ANKRD12: variants seen among roughly 807,000 people sequenced by gnomAD.
The protein encoded by ANKRD12 is ankyrin repeat domain-containing protein 12.
Under a neutral mutation model 183.4 loss-of-function variants are expected in ANKRD12, and 85 were observed. The ratio of observed to expected loss-of-function variants is 0.46; its 90% confidence interval spans 0.39 to 0.56. The LOEUF (loss-of-function observed/expected upper bound fraction) is 0.56. Among genes scored for constraint, ANKRD12 ranks in the 20% least tolerant of loss-of-function variants. The pLI is 0.00. For missense variants in ANKRD12, 2,405 were observed against 2,357.1 expected (o/e 1.02, Z -0.42); for synonymous variants, 914 against 800.2 (o/e 1.14, Z -2.40).
At chr18:9,274,555 G>A (rs1181084778) in intron 10 of ANKRD12, among the ~76,000 whole-genome samples, 2 of 152,204 alleles carry the variant, frequency 1.3e-5, no homozygotes, top group African/African-American at 4.8e-5. Flanking sequence ...GAAGGGGGTG[G>A]AGGGAGTAAG....
At position 9,182,411 on chromosome 18, in the gene ANKRD12, A is replaced by C. The variant is rs376731033; in HGVS notation, c.-22A>C. On this transcript the variant is annotated 5_prime_UTR_variant, in exon 2 of 13. Coordinates refer to ENST00000262126, the MANE Select transcript of ANKRD12 (RefSeq NM_015208.5). ...AGGATGAGAAGACTGATAAAAGAAG[A>C]AGCTAGCTGAACAGCTGTAAAATGC... 320 of 1,546,062 alleles carry C rather than the reference A, an allele frequency of 2.1e-4. No individual in the cohort carries two copies. The highest frequency in any genetic ancestry group is 6.9e-4 in the African/African-American group (50 of 72,876).
intron 1 of ANKRD12, chr18:9,137,528 C>T (rs2078155827): frequency 6.7e-6 from 1 of 148,518 alleles, no homozygotes; most frequent in African/African-American, 2.4e-5. Context: ...CCGCCGCCAG[C>T]CGCCGAGCGT....
chr18:9,170,930 AC>A (rs1598443684), intron 1 of ANKRD12, among the ~76,000 whole-genome samples: 2 of 151,790 alleles, frequency 1.3e-5, no homozygotes, highest in Non-Finnish European at 1.5e-5. Flanking sequence ...AACAGACAGG[AC>A]CCTCAGCTGC....
chr18:9,147,784 ATTATT>A (rs1305183818), intron 1 of ANKRD12, among the ~76,000 whole-genome samples: 1 of 152,212 alleles, frequency 6.6e-6, no homozygotes, highest in Non-Finnish European at 1.5e-5. Context: ...AAACAAAATA[ATTATT>A]TTAGGAAGAT....
chr18:9,203,340 T>G (rs1221639545), intron 3 of ANKRD12, among the ~76,000 whole-genome samples: 1 of 152,202 alleles, frequency 6.6e-6, no homozygotes, highest in African/African-American at 2.4e-5. Context: ...CTAAGTTGTT[T>G]TTTTTGAACA....
chr18:9,275,246 C>G (rs1046804427), intron 10 of ANKRD12, among the ~76,000 whole-genome samples: 3 of 152,114 alleles, frequency 2.0e-5, no homozygotes, highest in African/African-American at 7.2e-5. Context: ...GGGAGGATCA[C>G]TTGAGCCCAG....
At position 9,256,171 on chromosome 18, in the gene ANKRD12, A is replaced by G; in HGVS notation, c.2904A>G (p.Glu968=). 6.4e-7 allele frequency: 1 copy of G among 1,560,784 alleles called. No individual in the cohort carries two copies. The highest frequency in any genetic ancestry group is 1.2e-5 in the South Asian group (1 of 81,174). Residue 968 remains glutamate, a synonymous_variant, in exon 9 of 13, where the codon GAA becomes GAG. Coordinates refer to ENST00000262126, the MANE Select transcript of ANKRD12 (RefSeq NM_015208.5). ...AAAAGGAAAAATCTAGAGATAAAGA[A>G]AGTATAAATATAACTAACTCCAAAC... ...LDKKEKSRDK[E]SINITNSKHI...
At chr18:9,178,407 C>G (rs1385433163) in intron 1 of ANKRD12, among the ~76,000 whole-genome samples, 1 of 151,584 alleles carries the variant, frequency 6.6e-6, no homozygotes, top group Non-Finnish European at 1.5e-5. Flanking sequence ...TATCCTTTTC[C>G]CAGTGAATTA....
At chr18:9,235,394 G>C (rs2037285914) in intron 8 of ANKRD12, among the ~76,000 whole-genome samples, 1 of 152,048 alleles carries the variant, frequency 6.6e-6, no homozygotes, top group Admixed American at 6.6e-5. Flanking sequence ...TCTGTCACTG[G>C]ATAATTTCAT....
At chr18:9,171,523 CTCG>C (rs931408237) in intron 1 of ANKRD12, among the ~76,000 whole-genome samples, 2 of 152,104 alleles carry the variant, frequency 1.3e-5, no homozygotes, top group Non-Finnish European at 2.9e-5. Context: ...TATAGTGTCA[CTCG>C]TCTGTGTACT....
chr18:9,250,299 G>A (rs2038212358), intron 8 of ANKRD12: 1 of 152,142 alleles, frequency 6.6e-6, no homozygotes, highest in Non-Finnish European at 1.5e-5. Flanking sequence ...CCTACAGTGG[G>A]GAGCCCTCAG....
At chr18:9,250,716 C>T (rs2038241508) in intron 8 of ANKRD12, among the ~76,000 whole-genome samples, 1 of 152,048 alleles carries the variant, frequency 6.6e-6, no homozygotes, top group Non-Finnish European at 1.5e-5. Context: ...GACCCTGTCT[C>T]TCAAAAAAAC....
intron 1 of ANKRD12, among the ~76,000 whole-genome samples, chr18:9,152,243 AAG>A (rs1361145742): frequency 6.6e-6 from 1 of 152,218 alleles, no homozygotes; most frequent in Admixed American, 6.5e-5. Flanking sequence ...TGAAATGAAA[AAG>A]AACACAGTCA....
intron 3 of ANKRD12, among the ~76,000 whole-genome samples, chr18:9,203,601 A>ATAT (rs564268397): frequency 6.6e-5 from 10 of 151,680 alleles, no homozygotes; most frequent in African/African-American, 2.2e-4. Context: ...GTGTGTATAT[A>ATAT]TATTATTATT....
At chr18:9,139,443 A>G (rs570091816) in intron 1 of ANKRD12, among the ~76,000 whole-genome samples, 3 of 152,368 alleles carry the variant, frequency 2.0e-5, no homozygotes, top group Admixed American at 6.5e-5. Flanking sequence ...TTCTTAAAAA[A>G]AAATAAGTGA....
At chr18:9,185,643 G>A (rs1486584278) in intron 2 of ANKRD12, among the ~76,000 whole-genome samples, 3 of 152,306 alleles carry the variant, frequency 2.0e-5, no homozygotes, top group African/African-American at 7.2e-5. Flanking sequence ...TAGAAAGTAT[G>A]GAGAAGAGTG....
chr18:9,280,794 A>T (rs994077699), intron 12 of ANKRD12, 147 bp from the exon 13 acceptor site: 3 of 770,958 alleles, frequency 3.9e-6, no homozygotes, highest in Admixed American at 3.0e-5. Flanking sequence ...GTCTCAAAAA[A>T]AAAAGAAAGA....
intron 1 of ANKRD12, among the ~76,000 whole-genome samples, chr18:9,174,301 C>T (rs532546552): frequency 2.4e-4 from 37 of 152,184 alleles, no homozygotes; most frequent in Non-Finnish European, 2.2e-4. Flanking sequence ...AAGTGAGGCC[C>T]GCAGAATGAC....
At position 9,255,427 on chromosome 18, in the gene ANKRD12, A is replaced by G; in HGVS notation, c.2160A>G (p.Leu720=). The change falls in exon 9 of 13, where the codon TTA becomes TTG. Residue 720 remains leucine, a synonymous_variant. Transcript: ENST00000262126. The stretch of plus-strand genomic sequence containing the variant: ...ATATGGAACATGAATCCTTAACATT[A>G]GAAAAAAAATCAAAATTGGAAAAAA... ...FLNMEHESLT[L]EKKSKLEKNI... 3.2e-6 allele frequency: 5 copies of G among 1,573,124 alleles called. No individual in the cohort carries two copies. Among genetic ancestry groups the G allele is most frequent in the Non-Finnish European group, 4.3e-6 (5 of 1,168,328 alleles).
Sources: gnomAD v4.1 joint callset for allele counts (sites outside exome capture counted in the v4.1 genomes callset) on GRCh38, gnomAD v4.1.1 for gene constraint, MANE v1.5 for transcripts, NCBI Gene and HGNC (gene_info 2026-07-23, HGNC 2026-07-21) for gene names.